Variants in RCC2 observed in about 807,000 individuals in gnomAD.
RCC2 encodes regulator of chromosome condensation 2.
RCC2 carries 19 observed loss-of-function variants against 64.1 expected under a neutral mutation model. The ratio of observed to expected loss-of-function variants is 0.30; its 90% CI spans 0.21 to 0.44. RCC2 has a LOEUF of 0.44. Among genes scored for constraint, RCC2 ranks in the 20% least tolerant of loss-of-function variants. RCC2 has a pLI of 1.00. For missense variants in RCC2, 508 were observed against 710.4 expected (o/e 0.72, Z 3.24); for synonymous variants, 325 against 279.6 (o/e 1.16, Z -1.62).
chr1:17,429,092 C>A lies in RCC2; in HGVS notation c.379+14G>T, dbSNP rs765965921. On this transcript the variant is annotated intron_variant, in intron 3 of 12. Transcript: ENST00000375436. ...AGAAGCACTCAATGGGTTTTTGAGG[C>A]ACCATTCTCATACCTTGCTGTTTAG... The A allele has an allele frequency of 1.2e-6, 2 of 1,604,174 alleles. No individual in the cohort carries two copies. Among genetic ancestry groups the A allele is most frequent in the Non-Finnish European group, 1.7e-6 (2 of 1,171,086 alleles).
intron 7 of RCC2, among the ~76,000 whole-genome samples, chr1:17,420,093 C>G (rs1305105029): frequency 2.6e-5 from 4 of 152,186 alleles, no homozygotes; most frequent in African/African-American, 9.6e-5. Flanking sequence ...AGAGCCACAA[C>G]CGGGAAGCGC....
At chr1:17,417,809 G>C (rs1482226342) in intron 7 of RCC2, among the ~76,000 whole-genome samples, 4 of 152,034 alleles carry the variant, frequency 2.6e-5, no homozygotes, top group African/African-American at 9.7e-5. Flanking sequence ...GTGTTTTTGA[G>C]CACTGTGCTA....
intron 4 of RCC2, among the ~76,000 whole-genome samples, chr1:17,423,144 G>GT (rs1366824496): frequency 6.6e-6 from 1 of 152,132 alleles, no homozygotes; most frequent in Admixed American, 6.5e-5. Context: ...TGCACAGGCG[G>GT]GCATGCTCGC....
chr1:17,411,653 C>T (rs1039864292), intron 11 of RCC2, among the ~76,000 whole-genome samples: 1 of 151,574 alleles, frequency 6.6e-6, no homozygotes, highest in Non-Finnish European at 1.5e-5. Flanking sequence ...CGGAAGGCCA[C>T]GTGTGTGAAA....
intron 2 of RCC2, among the ~76,000 whole-genome samples, chr1:17,434,835 G>A (rs528224196): frequency 2.8e-4 from 43 of 152,366 alleles, no homozygotes; most frequent in African/African-American, 9.4e-4. Context: ...TTGGGAGGCG[G>A]GGCGTGGTGG....
rs376438757 is a variant in RCC2, at chr1:17,416,117, C to T, written c.1026+363G>A. 2.5e-4 allele frequency among the ~76,000 whole-genome samples: 37 copies of T among 146,422 alleles called. No homozygotes were observed. The South Asian group carries it at 5.9e-3, about 23-fold the overall frequency. ...GGGGGGACAACCTACTGATTAAAAA[C>T]GACTCACATCCCCAGTATGGGGCAC... On this transcript the variant is annotated intron_variant, in intron 8 of 12. Transcript: ENST00000375436.
Position 17,422,849 on chromosome 1 carries a change from T to C in RCC2, c.524-13A>G. 1 of 1,613,094 alleles carries C rather than the reference T, an allele frequency of 6.2e-7. No individual in the cohort carries two copies. Among genetic ancestry groups the C allele is most frequent in the Non-Finnish European group, 8.5e-7 (1 of 1,179,472 alleles). On this transcript the variant is annotated splice_polypyrimidine_tract_variant and intron_variant, in intron 4 of 12. Coordinates refer to ENST00000375436, the MANE Select transcript of RCC2 (RefSeq NM_018715.4). ...TTCTCATTTCGACCTGCAGATCACATGAGAGAAAGTAGAAAAGAGAGAGGG... is the reference window on the plus strand; with the variant it reads ...TTCTCATTTCGACCTGCAGATCACACGAGAGAAAGTAGAAAAGAGAGAGGG...
intron 2 of RCC2, among the ~76,000 whole-genome samples, chr1:17,429,519 G>GAGGT (rs1054151568): frequency 6.6e-6 from 1 of 152,008 alleles, no homozygotes; most frequent in African/African-American, 2.4e-5. Flanking sequence ...CTGATGTACA[G>GAGGT]AGGTATTTGC....
intron 2 of RCC2, among the ~76,000 whole-genome samples, chr1:17,430,608 A>G (rs1050897671): frequency 3.9e-5 from 6 of 152,136 alleles, no homozygotes; most frequent in African/African-American, 1.4e-4. Context: ...CAATATGGTA[A>G]AACCCCGTCT....
At position 17,407,246 on chromosome 1, in the gene RCC2, G is replaced by C. The variant is rs2075370685; in HGVS notation, c.*1844C>G. 2 of 152,014 alleles carry C rather than the reference G, an allele frequency of 1.3e-5. No individual in the cohort carries two copies. The highest frequency in any genetic ancestry group is 2.9e-5 in the Non-Finnish European group (2 of 68,022). 9.4% of individuals were successfully genotyped at this position (152,014 alleles called of 1,614,324 possible). On this transcript the variant is annotated 3_prime_UTR_variant, in exon 13 of 13. Transcript: ENST00000375436. ...AGGCTCCTGCAAAGGCTGGGACCTC[G>C]GGTGCTGCGTCCTCAACCCTCTCGG...
At chr1:17,419,466 TA>T (rs1369825643) in intron 7 of RCC2, among the ~76,000 whole-genome samples, 1 of 152,206 alleles carries the variant, frequency 6.6e-6, no homozygotes, top group Non-Finnish European at 1.5e-5. Flanking sequence ...AGGTTCATTC[TA>T]AAAGTGATCT....
At chr1:17,434,113 T>A (rs1266811321) in intron 2 of RCC2, among the ~76,000 whole-genome samples, 1 of 152,220 alleles carries the variant, frequency 6.6e-6, no homozygotes, top group Non-Finnish European at 1.5e-5. Flanking sequence ...TAGGACTGAA[T>A]CTACCCTAGT....
At position 17,408,691 on chromosome 1, in the gene RCC2, T is replaced by A. The variant is rs1156896754; in HGVS notation, c.*399A>T. The A allele has an allele frequency of 1.2e-5, 2 of 169,690 alleles. No individual in the cohort carries two copies. The highest frequency in any genetic ancestry group is 2.5e-5 in the Non-Finnish European group (2 of 79,586). 10.5% of individuals were successfully genotyped at this position (169,690 alleles called of 1,614,324 possible). On this transcript the variant is annotated 3_prime_UTR_variant, in exon 13 of 13. Transcript: ENST00000375436. ...ACATTTTTTCTGAGTAAATGGCGAT[T>A]CCTCTTCCATGTGGCATCTGCTTGG... is the stretch of plus-strand genomic sequence containing the variant.
At chr1:17,409,900 G>A in intron 12 of RCC2, 74 bp downstream of exon 12, 2 of 1,294,146 alleles carry the variant, frequency 1.5e-6, no homozygotes, top group African/African-American at 1.5e-5. Context: ...AGACTGCGAT[G>A]ATCAAAATCA....
intron 6 of RCC2, among the ~76,000 whole-genome samples, chr1:17,421,612 A>G (rs2075556893): frequency 6.6e-6 from 1 of 152,124 alleles, no homozygotes; most frequent in Non-Finnish European, 1.5e-5. Context: ...ATATAACATC[A>G]CTCACTTTCT....
At position 17,407,089 on chromosome 1, in the gene RCC2, A is replaced by C. The variant is rs2075368775; in HGVS notation, c.*2001T>G. On this transcript the variant is annotated 3_prime_UTR_variant, in exon 13 of 13. Transcript: ENST00000375436. The stretch of plus-strand genomic sequence containing the variant: ...CCATTTTTCAATCTAAGCCAGAAGG[A>C]GCTGCGGGACAAGGCAGTCTTCACT... 1.3e-5 allele frequency: 2 copies of C among 152,216 alleles called. No individual in the cohort carries two copies. The highest frequency in any genetic ancestry group is 6.5e-5 in the Admixed American group (1 of 15,284). The allele number at this position is 152,216 out of a possible 1,614,324, so 9.4% of individuals were successfully genotyped here.
chr1:17,439,102 C>A (rs1207513225), intron 1 of RCC2, among the ~76,000 whole-genome samples: 1 of 152,066 alleles, frequency 6.6e-6, no homozygotes, highest in East Asian at 1.9e-4. Context: ...TCTAGTTAGC[C>A]GAATCCCTAC....
At chr1:17,439,369 CTCTG>C (rs1455188122) in intron 1 of RCC2, among the ~76,000 whole-genome samples, 172 bp downstream of exon 1, 15 of 147,368 alleles carry the variant, frequency 1.0e-4, no homozygotes, top group African/African-American at 2.0e-4. Flanking sequence ...ACAATGGGAT[CTCTG>C]TCTGTCTCCG....
At chr1:17,429,836 GAA>G (rs1304983192) in intron 2 of RCC2, among the ~76,000 whole-genome samples, 2 of 152,186 alleles carry the variant, frequency 1.3e-5, no homozygotes, top group African/African-American at 4.8e-5. Context: ...AATGGTGAGT[GAA>G]ACAGGACCTC....
Sources: allele counts gnomAD v4.1 joint callset (sites outside exome capture counted in the v4.1 genomes callset), GRCh38; gene constraint gnomAD v4.1.1; transcripts MANE v1.5; gene names NCBI Gene and HGNC (gene_info 2026-07-23, HGNC 2026-07-21).